The following KCNN2 variants were observed in gnomAD, a reference collection of about 807,000 sequenced individuals.
KCNN2 encodes the protein potassium calcium-activated channel subfamily N member 2.
In KCNN2, 24 loss-of-function variants were observed where a neutral mutation model predicts 55.5. The ratio of observed to expected loss-of-function variants is 0.43; its 90% CI spans 0.31 to 0.61. The LOEUF (loss-of-function observed/expected upper bound fraction) is 0.61. KCNN2 is among the 20% of genes least tolerant of loss of function. The pLI is 0.08. For missense variants in KCNN2, 754 were observed against 853.6 expected (o/e 0.88, Z 1.45); for synonymous variants, 431 against 336.1 (o/e 1.28, Z -3.09).
intron 3 of KCNN2, among the ~76,000 whole-genome samples, chr5:114,417,698 A>T (rs1027324634): frequency 3.3e-5 from 5 of 152,200 alleles, no homozygotes; most frequent in African/African-American, 1.2e-4. Flanking sequence ...TGTAGTCAGT[A>T]ATCAGTGGTG....
intron 2 of KCNN2, among the ~76,000 whole-genome samples, chr5:114,261,443 G>A (rs922119896): frequency 3.9e-5 from 6 of 152,150 alleles, no homozygotes; most frequent in South Asian, 2.1e-4. Context: ...GAGAAGGAAG[G>A]CTGATTTTGC....
At chr5:114,196,560 T>G (rs1257072903) in intron 1 of KCNN2, among the ~76,000 whole-genome samples, 5 of 152,008 alleles carry the variant, frequency 3.3e-5, no homozygotes, top group Non-Finnish European at 7.4e-5. Flanking sequence ...GATTTTCTCT[T>G]TTTTCTTGAG....
intron 1 of KCNN2, among the ~76,000 whole-genome samples, chr5:114,197,495 A>T (rs1753581702): frequency 6.6e-6 from 1 of 152,122 alleles, no homozygotes; most frequent in East Asian, 1.9e-4. Flanking sequence ...CTCACCTTGC[A>T]CCTCTCATTG....
At chr5:114,242,650 A>C (rs1174137030) in intron 2 of KCNN2, among the ~76,000 whole-genome samples, 1 of 152,226 alleles carries the variant, frequency 6.6e-6, no homozygotes, top group Non-Finnish European at 1.5e-5. Flanking sequence ...TGTTAGAAAG[A>C]GCAAGAAGGA....
chr5:114,196,084 G>A (rs1386873195), intron 1 of KCNN2, among the ~76,000 whole-genome samples: 3 of 151,906 alleles, frequency 2.0e-5, no homozygotes, highest in Non-Finnish European at 4.4e-5. Context: ...GCACCCTTGT[G>A]AAAAATCAGT....
intron 2 of KCNN2, among the ~76,000 whole-genome samples, chr5:114,262,814 T>C (rs1303923832): frequency 6.6e-6 from 1 of 152,192 alleles, no homozygotes; most frequent in African/African-American, 2.4e-5. Flanking sequence ...ACCAGCTGTA[T>C]GACCTGGAAA....
chr5:114,167,380 C>G (rs1291823899), intron 1 of KCNN2, among the ~76,000 whole-genome samples: 2 of 152,228 alleles, frequency 1.3e-5, no homozygotes, highest in East Asian at 3.9e-4. Context: ...TTTTAAACTT[C>G]TCTCTCCTCA....
intron 4 of KCNN2, among the ~76,000 whole-genome samples, chr5:114,464,770 C>T (rs184992744): frequency 8.7e-4 from 132 of 151,530 alleles, no homozygotes; most frequent in African/African-American, 2.9e-3. Context: ...CATTATTTGC[C>T]TTTAAAAGAA....
intron 1 of KCNN2, among the ~76,000 whole-genome samples, chr5:114,112,815 A>T (rs1431814388): frequency 6.6e-6 from 1 of 152,108 alleles, no homozygotes; most frequent in Non-Finnish European, 1.5e-5. Flanking sequence ...GGTTATGCAC[A>T]TGAGAGTGAG....
At chr5:114,193,064 A>G (rs1388231085) in intron 1 of KCNN2, among the ~76,000 whole-genome samples, 2 of 152,172 alleles carry the variant, frequency 1.3e-5, no homozygotes, top group South Asian at 2.1e-4. Context: ...AATATTTGGG[A>G]CATACTTATA....
At chr5:114,294,745 C>T (rs566352881) in intron 2 of KCNN2, among the ~76,000 whole-genome samples, 26 of 152,108 alleles carry the variant, frequency 1.7e-4, no homozygotes, top group African/African-American at 6.3e-4. Context: ...TCCTGGGTAT[C>T]CTTGTTAAAT....
chr5:114,370,018 T>G lies in KCNN2; in HGVS notation c.1218+6017T>G, dbSNP rs1561591208. On this transcript the variant is annotated intron_variant, in intron 2 of 7. Coordinates refer to ENST00000673685, the MANE Select transcript of KCNN2 (RefSeq NM_021614.4). ...TAGGAAGTGGTTTTGTGGGGTTGTTTTAGAGAGAATTTCTACTCATTAAGA... is the reference window on the plus strand; with the variant it reads ...TAGGAAGTGGTTTTGTGGGGTTGTTGTAGAGAGAATTTCTACTCATTAAGA... Among the ~76,000 whole-genome samples, 3 of 152,234 alleles carry G rather than the reference T, an allele frequency of 2.0e-5. No homozygotes were observed. The South Asian group carries it at 6.2e-4, about 32-fold the overall frequency.
Position 114,496,414 on chromosome 5 carries a change from T to C in KCNN2, c.*232T>C. On this transcript the variant is annotated 3_prime_UTR_variant, in exon 8 of 8. Coordinates refer to ENST00000673685, the MANE Select transcript of KCNN2 (RefSeq NM_021614.4). ...CTATATAGATTGTTCCTCCTGTAAT[T>C]TCACTAACTTTTTATTCATGCACTT... The C allele has an allele frequency of 2.3e-6, 1 of 440,078 alleles. No individual in the cohort carries two copies. The highest frequency in any genetic ancestry group is 4.0e-6 in the Non-Finnish European group (1 of 251,336). 27.3% of individuals were successfully genotyped at this position (440,078 alleles called of 1,614,324 possible).
chr5:114,495,817 A>G (rs1235512959), intron 7 of KCNN2, 78 bp from the exon 8 acceptor site: 25 of 1,378,078 alleles, frequency 1.8e-5, no homozygotes, highest in Non-Finnish European at 2.2e-5. Context: ...GCAAGAGACC[A>G]GAGCTAAACC....
chr5:114,432,960 C>T (rs1030204472), intron 3 of KCNN2, among the ~76,000 whole-genome samples: 2 of 152,188 alleles, frequency 1.3e-5, no homozygotes. Context: ...GCCTGAACCT[C>T]CCACCCCCTC....
intron 2 of KCNN2, among the ~76,000 whole-genome samples, chr5:114,391,546 G>A (rs188014750): frequency 2.0e-5 from 3 of 152,124 alleles, no homozygotes; most frequent in Admixed American, 2.0e-4. Context: ...GATATTCAGA[G>A]CAGTTGGTTG....
chr5:114,429,841 T>A (rs73782239), intron 3 of KCNN2, among the ~76,000 whole-genome samples: 116 of 132,438 alleles, frequency 8.8e-4, no homozygotes, highest in African/African-American at 3.4e-3. Context: ...TTTTTTTTTT[T>A]AACATGTGGA....
chr5:114,065,195 G>A (rs1325202121), intron 1 of KCNN2, among the ~76,000 whole-genome samples: 2 of 152,186 alleles, frequency 1.3e-5, no homozygotes, highest in African/African-American at 4.8e-5. Context: ...ATCCCTTGGA[G>A]TAGTTCATAG....
intron 2 of KCNN2, among the ~76,000 whole-genome samples, chr5:114,351,942 T>A (rs957386182): frequency 1.3e-4 from 20 of 151,706 alleles, no homozygotes; most frequent in African/African-American, 4.8e-4. Context: ...ATACTGGCCT[T>A]TTAAAATGGG....
Sources: allele counts gnomAD v4.1 joint callset (sites outside exome capture counted in the v4.1 genomes callset), GRCh38; gene constraint gnomAD v4.1.1; transcripts MANE v1.5; gene names NCBI Gene and HGNC (gene_info 2026-07-23, HGNC 2026-07-21).